TOX4: variants seen among roughly 807,000 people sequenced by gnomAD.
TOX4 encodes the protein epidermal Langerhans cell protein LCP1.
A neutral mutation model predicts 61.0 loss-of-function variants in TOX4; 12 were observed. That is an observed-to-expected ratio of 0.20 (90% confidence interval 0.13 to 0.32). TOX4 has a LOEUF of 0.32. Ranked by LOEUF, TOX4 falls within the 10% of genes least tolerant of loss-of-function variation. The pLI, the probability that TOX4 is intolerant of heterozygous loss-of-function variation, is 1.00. For synonymous variants in TOX4, 268 were observed against 274.8 expected (o/e 0.98, Z 0.24); for missense variants, 499 against 753.3 (o/e 0.66, Z 3.95).
chr14:21,478,694 GT>G (rs1015169272), intron 2 of TOX4, among the ~76,000 whole-genome samples: 8 of 152,134 alleles, frequency 5.3e-5, no homozygotes, highest in South Asian at 2.1e-4. Context: ...ATTTGCATCA[GT>G]TTTTTTTACC....
rs1891308695 is a variant in TOX4, at chr14:21,492,296, GTA to G, written c.816_817del (p.Tyr272Ter). On this transcript the variant is annotated frameshift_variant and splice_region_variant, in exon 6 of 9. Transcript: ENST00000448790. LOFTEE classifies it high-confidence loss of function. The stretch of plus-strand genomic sequence containing the variant: ...TTTTTTTAAAGTCTCTTTTTTGCAG[GTA>G]TATAAGAGGAAAACTGAGGCTGCCA... ...WDSLGEEQKQVYKRKTEAAKK... is the reference protein window; with the variant it reads ...WDSLGEEQKQXYKRKTEAAKK... 2 of 1,611,242 alleles carry G rather than the reference GTA, an allele frequency of 1.2e-6. No homozygotes were observed. Among genetic ancestry groups the G allele is most frequent in the African/African-American group, 2.7e-5 (2 of 74,516 alleles).
chr14:21,477,606 C>T (rs1415413160), intron 2 of TOX4, 42 bp downstream of exon 2: 2 of 1,607,896 alleles, frequency 1.2e-6, no homozygotes, highest in East Asian at 2.2e-5. Context: ...GGGCCTGAGG[C>T]AGCGGTGGGG....
chr14:21,481,732 A>C (rs1298923424), intron 2 of TOX4, among the ~76,000 whole-genome samples: 1 of 152,258 alleles, frequency 6.6e-6, no homozygotes, highest in Non-Finnish European at 1.5e-5. Context: ...TGTGAAAAGG[A>C]ATACTACACA....
intron 2 of TOX4, among the ~76,000 whole-genome samples, chr14:21,480,988 G>A (rs891902731): frequency 1.3e-5 from 2 of 152,132 alleles, no homozygotes; most frequent in African/African-American, 2.4e-5. Context: ...TACTCAGGAG[G>A]CAGAGGCAGG....
At position 21,493,207 on chromosome 14, in the gene TOX4, G is replaced by A. The variant is rs1224649726; in HGVS notation, c.1591G>A (p.Ala531Thr). 11 of 1,613,886 alleles carry A rather than the reference G, an allele frequency of 6.8e-6. No homozygotes were observed. The highest frequency in any genetic ancestry group is 8.5e-6 in the Non-Finnish European group (10 of 1,179,984). The change falls in exon 7 of 9, where the codon GCA becomes ACA. Residue 531 changes from alanine (A) to threonine (T), a missense_variant. Transcript: ENST00000448790. The part of the protein sequence containing the change: ...NNSPEAHTVE[A>T]PSPETICEMI... The stretch of plus-strand genomic sequence containing the variant: ...CAGCCCTGAGGCCCATACAGTGGAG[G>A]CACCTTCTCCTGAGACTATCTGTGA...
chr14:21,499,002 A>T lies in TOX4; in HGVS notation c.*2396A>T, dbSNP rs1428172611. The T allele has an allele frequency of 6.6e-7, 1 of 1,521,058 alleles. No homozygotes were observed. The highest frequency in any genetic ancestry group is 1.7e-5 in the Admixed American group (1 of 59,930). 94.2% of individuals were successfully genotyped at this position (1,521,058 alleles called of 1,614,324 possible). On this transcript the variant is annotated 3_prime_UTR_variant, in exon 9 of 9. Transcript: ENST00000448790. ...CATAAATAATAGCCCCTTGAGGACTAGCCTGTTCTCTGGTCACCTTACCAG... is the reference window on the plus strand; with the variant it reads ...CATAAATAATAGCCCCTTGAGGACTTGCCTGTTCTCTGGTCACCTTACCAG...
At chr14:21,482,038 A>G (rs1359729378) in intron 2 of TOX4, among the ~76,000 whole-genome samples, 1 of 152,246 alleles carries the variant, frequency 6.6e-6, no homozygotes, top group Non-Finnish European at 1.5e-5. Flanking sequence ...TGTACCTTAC[A>G]TAAGTTGTAT....
At position 21,484,675 on chromosome 14, in the gene TOX4, T is replaced by A. The variant is rs1308956708; in HGVS notation, c.76-2776T>A. Among the ~76,000 whole-genome samples, 6 of 104,382 alleles carry A rather than the reference T, an allele frequency of 5.7e-5. 1 individual carries two copies. Among genetic ancestry groups the A allele is most frequent in the Admixed American group, 3.4e-4 (4 of 11,622 alleles). 68.5% of individuals were successfully genotyped at this position (104,382 alleles called of 152,430 possible). A position where few individuals can be genotyped will look rare whatever the true frequency, so the allele number is the denominator to read the frequency against. On this transcript the variant is annotated intron_variant, in intron 2 of 8. Transcript: ENST00000448790. ...TTTATTTTCTTTCTTTTTCTTTTTT[T>A]TTAGACATGGTCTTGGTCTGTCGCC...
At chr14:21,488,199 A>G in intron 3 of TOX4, 1 of 193,044 alleles carries the variant, frequency 5.2e-6, no homozygotes, top group East Asian at 1.3e-4. Context: ...CCAGACTTTA[A>G]TATTGGCCTT....
chr14:21,494,094 C>G (rs1406592707), intron 7 of TOX4, among the ~76,000 whole-genome samples: 10 of 152,132 alleles, frequency 6.6e-5, no homozygotes. Context: ...TGCCCCAGAC[C>G]ACTCCTTAAC....
chr14:21,489,251 C>G lies in TOX4; in HGVS notation c.658C>G (p.Pro220Ala). 1.2e-6 allele frequency: 2 copies of G among 1,614,130 alleles called. No individual in the cohort carries two copies. The highest frequency in any genetic ancestry group is 1.7e-6 in the Non-Finnish European group (2 of 1,180,024). The change falls in exon 5 of 9, where the codon CCT becomes GCT. Residue 220 changes from proline (P) to alanine (A), a missense_variant. Coordinates refer to ENST00000448790, the MANE Select transcript of TOX4 (RefSeq NM_014828.4). ...KAPKKRKKKD[P>A]NEPQKPVSAY... ...CCCAAAGAAGAGAAAAAAGAAAGAT[C>G]CTAATGAACCTCAGAAACCAGTTTC...
chr14:21,479,372 G>T (rs7150948), intron 2 of TOX4, among the ~76,000 whole-genome samples: 2 of 150,808 alleles, frequency 1.3e-5, no homozygotes, highest in Non-Finnish European at 3.0e-5. Context: ...CAGGTGAGGC[G>T]GGGTGCGGTG....
chr14:21,487,519 C>G lies in TOX4; in HGVS notation c.144C>G (p.Pro48=). The G allele has an allele frequency of 6.2e-7, 1 of 1,614,100 alleles. No homozygotes were observed. Among genetic ancestry groups the G allele is most frequent in the South Asian group, 1.1e-5 (1 of 91,082 alleles). ...CACCTATCTCCTTGGATTCTGATCC[C>G]TCATTGGCTGTCTCAGATGTGGTTG... The part of the protein sequence containing the change: ...EIPPISLDSD[P]SLAVSDVVGH... Residue 48 remains proline, a synonymous_variant, in exon 3 of 9, where the codon CCC becomes CCG. Transcript: ENST00000448790.
Position 21,498,854 on chromosome 14 carries a change from T to C in TOX4, c.*2248T>C, listed in dbSNP as rs1032223291. 1 of 590,826 alleles carries C rather than the reference T, an allele frequency of 1.7e-6. No individual in the cohort carries two copies. Among genetic ancestry groups the C allele is most frequent in the Admixed American group, 3.0e-5 (1 of 33,358 alleles). 36.6% of individuals were successfully genotyped at this position (590,826 alleles called of 1,614,324 possible). Reference sequence around the variant, plus strand: ...GTCCTAGAACCTGTTGAGTTTCTAATGAATATTTGTAGAATCTCATAAAAC... The same window carrying C: ...GTCCTAGAACCTGTTGAGTTTCTAACGAATATTTGTAGAATCTCATAAAAC... On this transcript the variant is annotated 3_prime_UTR_variant, in exon 9 of 9. Coordinates refer to ENST00000448790, the MANE Select transcript of TOX4 (RefSeq NM_014828.4).
intron 2 of TOX4, among the ~76,000 whole-genome samples, chr14:21,486,861 T>C (rs373387987): frequency 2.0e-5 from 3 of 152,364 alleles, no homozygotes; most frequent in African/African-American, 7.2e-5. Flanking sequence ...CCTATACTAA[T>C]GGGAATCTTT....
intron 5 of TOX4, among the ~76,000 whole-genome samples, chr14:21,491,900 A>C (rs755592913): frequency 5.3e-5 from 8 of 151,692 alleles, no homozygotes; most frequent in Non-Finnish European, 1.0e-4. Context: ...AGTCCCAGCT[A>C]CTCAGGAGGC....
chr14:21,478,327 C>T (rs1891043508), intron 2 of TOX4, among the ~76,000 whole-genome samples: 1 of 152,228 alleles, frequency 6.6e-6, no homozygotes, highest in African/African-American at 2.4e-5. Flanking sequence ...AAGGAAATAG[C>T]TGCTAGAGAA....
chr14:21,492,637 ATTG>A lies in TOX4; in HGVS notation c.1027_1029del (p.Val343del), dbSNP rs762927469. 1.2e-6 allele frequency: 2 copies of A among 1,613,640 alleles called. No individual in the cohort carries two copies. Among genetic ancestry groups the A allele is most frequent in the African/African-American group, 1.3e-5 (1 of 74,968 alleles). ...AGAGCCCCCTGCCCTGTCCCCATCC[ATTG>A]TTGTTAACTCCACCCTTTCATCCTA... On this transcript the variant is annotated inframe_deletion, in exon 7 of 9. Transcript: ENST00000448790.
chr14:21,486,708 A>C (rs1386585890), intron 2 of TOX4, among the ~76,000 whole-genome samples: 1 of 152,208 alleles, frequency 6.6e-6, no homozygotes, highest in Non-Finnish European at 1.5e-5. Flanking sequence ...CAGAAAAGAA[A>C]GAATGTGTTA....
Sources: gnomAD v4.1 joint callset for allele counts (sites outside exome capture counted in the v4.1 genomes callset) on GRCh38, gnomAD v4.1.1 for gene constraint, MANE v1.5 for transcripts, NCBI Gene and HGNC (gene_info 2026-07-23, HGNC 2026-07-21) for gene names.